ADGRL1: variants seen among roughly 807,000 people sequenced by gnomAD.
ADGRL1 encodes the protein adhesion G protein-coupled receptor L1.
A neutral mutation model predicts 148.9 loss-of-function variants in ADGRL1; 31 were observed. That is an observed-to-expected ratio of 0.21 (90% CI 0.16 to 0.28). The LOEUF is 0.28. ADGRL1 is among the 10% of genes least tolerant of loss of function. The probability of loss-of-function intolerance (pLI) is 1.00; values close to 1 mark genes in which losing one functional copy is unlikely to be tolerated. For synonymous variants in ADGRL1, 937 were observed against 900.3 expected (o/e 1.04, Z -0.73); for missense variants, 1,521 against 2,058.8 (o/e 0.74, Z 5.05).
chr19:14,186,086 T>C (rs1971555212), intron 1 of ADGRL1, among the ~76,000 whole-genome samples: 2 of 152,102 alleles, frequency 1.3e-5, no homozygotes, highest in African/African-American at 4.8e-5. Context: ...AGAGATAGGG[T>C]CTTGCTCTGT....
intron 1 of ADGRL1, among the ~76,000 whole-genome samples, chr19:14,184,232 GC>G: frequency 6.6e-6 from 1 of 152,232 alleles, no homozygotes; most frequent in South Asian, 2.1e-4. Flanking sequence ...AACCAGGGAC[GC>G]CCGAGTCCCC....
At chr19:14,195,122 C>T (rs140864668) in intron 1 of ADGRL1, among the ~76,000 whole-genome samples, 43 of 152,064 alleles carry the variant, frequency 2.8e-4, no homozygotes, top group African/African-American at 9.9e-4. Context: ...TGGGCTCAAG[C>T]GATCCTCCCG....
intron 1 of ADGRL1, among the ~76,000 whole-genome samples, chr19:14,188,476 G>A (rs1445624061): frequency 6.6e-6 from 1 of 152,028 alleles, no homozygotes; most frequent in Non-Finnish European, 1.5e-5. Flanking sequence ...GAACTCCAAG[G>A]CACCTTCAGC....
intron 1 of ADGRL1, chr19:14,191,412 A>C (rs1243225906): frequency 2.2e-6 from 1 of 456,684 alleles, no homozygotes; most frequent in Middle Eastern, 3.3e-4. Flanking sequence ...ACAAATTCAC[A>C]CACGAGACAC....
intron 1 of ADGRL1, among the ~76,000 whole-genome samples, chr19:14,197,099 C>T (rs1972307443): frequency 1.3e-5 from 2 of 151,990 alleles, no homozygotes; most frequent in South Asian, 4.1e-4. Flanking sequence ...ACAGTGAGAT[C>T]CTGTCTCTAC....
At chr19:14,165,019 G>A (rs1280848458) in intron 4 of ADGRL1, among the ~76,000 whole-genome samples, 3 of 152,198 alleles carry the variant, frequency 2.0e-5, no homozygotes, top group East Asian at 3.9e-4. Flanking sequence ...GGATCGGGGG[G>A]CTGGGACCTG....
At chr19:14,193,245 GA>G in intron 1 of ADGRL1, among the ~76,000 whole-genome samples, 1 of 101,714 alleles carries the variant, frequency 9.8e-6, no homozygotes, top group Non-Finnish European at 1.9e-5. Context: ...GGGGAGGATT[GA>G]AATATGGCCC....
Position 14,159,363 on chromosome 19 carries a change from T to G in ADGRL1, c.2023+38A>C. The G allele has an allele frequency of 6.3e-7, 1 of 1,582,082 alleles. No individual in the cohort carries two copies. Among genetic ancestry groups the G allele is most frequent in the African/African-American group, 1.3e-5 (1 of 74,442 alleles). On this transcript the variant is annotated intron_variant, in intron 10 of 22. Transcript: ENST00000361434. The surrounding 1 kb of genome is among the most constrained non-coding windows in gnomAD (Gnocchi z 6.0). ...AGGCCAGAACCCCGTGGTTTAAGGT[T>G]CGTATCTGAGTTTGCCCTGGGTGAC...
Position 14,150,596 on chromosome 19 carries a change from C to G in ADGRL1, c.*277G>C. ...TGGGCTGCACCCTTCCAAGTTCTCC[C>G]TCCTCACTCCCCTGGGGTCCTCTGG... On this transcript the variant is annotated 3_prime_UTR_variant, in exon 23 of 23. Transcript: ENST00000361434. 1 of 469,808 alleles carries G rather than the reference C, an allele frequency of 2.1e-6. No individual in the cohort carries two copies. The allele number at this position is 469,808 out of a possible 1,614,324, so 29.1% of individuals were successfully genotyped here.
In ADGRL1 at chr19:14,160,003, AAGG is replaced by A; in HGVS notation, c.1800+106_1800+108del. ...GGGGGGGGTCCTTCCTCTCTGAGGA[AAGG>A]AGTGGAGGTGGCAGCCTGGCTGGGA... On this transcript the variant is annotated intron_variant, in intron 8 of 22. Coordinates refer to ENST00000361434, the MANE Select transcript of ADGRL1 (RefSeq NM_014921.5). This position sits in a 1 kb window ranked among gnomAD's most constrained non-coding sequence, Gnocchi z 5.9. The A allele has an allele frequency of 8.2e-7, 1 of 1,215,474 alleles. No homozygotes were observed. Among genetic ancestry groups the A allele is most frequent in the Non-Finnish European group, 1.1e-6 (1 of 879,886 alleles). The allele number at this position is 1,215,474 out of a possible 1,614,324, so 75.3% of individuals were successfully genotyped here.
intron 3 of ADGRL1, among the ~76,000 whole-genome samples, chr19:14,175,962 G>A (rs994134487): frequency 6.6e-6 from 1 of 152,126 alleles, no homozygotes; most frequent in Non-Finnish European, 1.5e-5. Flanking sequence ...GCTGAGGCGG[G>A]AGAATTGCTT....
intron 1 of ADGRL1, among the ~76,000 whole-genome samples, chr19:14,196,700 C>T (rs1163285784): frequency 6.6e-6 from 1 of 152,210 alleles, no homozygotes; most frequent in Non-Finnish European, 1.5e-5. Context: ...CGGGCTGTTT[C>T]TCTCTTCCCC....
intron 1 of ADGRL1, among the ~76,000 whole-genome samples, chr19:14,201,617 T>C (rs1347753073): frequency 2.0e-5 from 3 of 152,074 alleles, no homozygotes; most frequent in Non-Finnish European, 4.4e-5. Context: ...AGTCTTGCTA[T>C]GTTGCCCAGG....
intron 4 of ADGRL1, among the ~76,000 whole-genome samples, chr19:14,167,966 T>C (rs114125540): frequency 1.6e-3 from 240 of 152,232 alleles, no homozygotes; most frequent in African/African-American, 5.2e-3. Flanking sequence ...GCGGTTAGAC[T>C]GTGCTCAGCT....
rs557005217 is a variant in ADGRL1 at position 14,156,762 on chromosome 19, G to A, written c.2967-38C>T. The stretch of plus-strand genomic sequence containing the variant: ...CAGGGCCGGGGTATAGAGAGAAGCC[G>A]AGGAGCCATTCCCAGCGACTCATGA... On this transcript the variant is annotated intron_variant, in intron 15 of 22. Transcript: ENST00000361434. 7.5e-5 allele frequency: 119 copies of A among 1,583,164 alleles called. 1 individual carries two copies. The South Asian group carries it at 1.2e-3, about 15-fold the overall frequency.
rs1969152224 is a variant in ADGRL1, at chr19:14,159,789, G to A, written c.1801-16C>T. 1.9e-6 allele frequency: 3 copies of A among 1,611,978 alleles called. No individual in the cohort carries two copies. Among genetic ancestry groups the A allele is most frequent in the African/African-American group, 1.3e-5 (1 of 74,874 alleles). On this transcript the variant is annotated splice_polypyrimidine_tract_variant and intron_variant, in intron 8 of 22. Coordinates refer to ENST00000361434, the MANE Select transcript of ADGRL1 (RefSeq NM_014921.5). This position sits in a 1 kb window ranked among gnomAD's most constrained non-coding sequence, Gnocchi z 6.0. ...GCTTGTGCATCTAGAAAGAGATGGA[G>A]GTGATGTCAGGCCAGGCCTCTGGGT...
rs1247724996 is a variant in ADGRL1, at chr19:14,151,123, C to T, written c.4160G>A (p.Arg1387Gln). Reference protein sequence around the residue: ...DSLYASGANLRDSPSYPDSSP... With the variant: ...DSLYASGANLQDSPSYPDSSP... ...GCTGTCCGGGTAGGAGGGTGAGTCCCGCAGGTTGGCCCCGCTGGCATAGAG... is the reference window on the plus strand; with the variant it reads ...GCTGTCCGGGTAGGAGGGTGAGTCCTGCAGGTTGGCCCCGCTGGCATAGAG... Residue 1387 changes from arginine (R) to glutamine (Q), a missense_variant, in exon 23 of 23, where the codon CGG becomes CAG. Transcript: ENST00000361434. 14 of 1,576,286 alleles carry T rather than the reference C, an allele frequency of 8.9e-6. No individual in the cohort carries two copies. The Admixed American group carries it at 8.9e-5, about 10-fold the overall frequency.
intron 1 of ADGRL1, among the ~76,000 whole-genome samples, chr19:14,196,907 T>C (rs1158771363): frequency 6.6e-6 from 1 of 152,088 alleles, no homozygotes; most frequent in Non-Finnish European, 1.5e-5. Context: ...GGGTGGGGTT[T>C]GCATACTACA....
intron 4 of ADGRL1, among the ~76,000 whole-genome samples, chr19:14,166,582 A>AAGAG (rs3036177): frequency 2.0e-5 from 3 of 146,496 alleles, no homozygotes; most frequent in East Asian, 2.0e-4. Flanking sequence ...GAGAGAGAGA[A>AAGAG]AGAGAGAGAG....
Sources: allele counts gnomAD v4.1 joint callset (sites outside exome capture counted in the v4.1 genomes callset), GRCh38; gene constraint gnomAD v4.1.1; non-coding constraint Gnocchi (gnomAD v3.1); transcripts MANE v1.5; gene names NCBI Gene and HGNC (gene_info 2026-07-23, HGNC 2026-07-21).